Variants in USP34 observed in about 807,000 individuals in gnomAD.
The protein encoded by USP34 is ubiquitin carboxyl-terminal hydrolase 34.
A neutral mutation model predicts 460.3 loss-of-function variants in USP34; 70 were observed. The observed-to-expected ratio is 0.15, with a 90% CI of 0.13 to 0.19. The LOEUF is 0.19. Ranked by LOEUF, USP34 falls within the 10% of genes least tolerant of loss-of-function variation. The pLI, the probability that USP34 is intolerant of heterozygous loss-of-function variation, is 1.00. For synonymous variants in USP34, 1,647 were observed against 1,405.3 expected, an observed-to-expected ratio of 1.17 and a Z score of -3.85; for missense variants, 3,985 against 4,236.2, an observed-to-expected ratio of 0.94 and a Z score of 1.65.
In USP34 at chr2:61,311,861, T is replaced by C. The variant is rs751996041; in HGVS notation, c.3592A>G (p.Ser1198Gly). 1.2e-6 allele frequency: 2 copies of C among 1,613,974 alleles called. No individual in the cohort carries two copies. Among genetic ancestry groups the C allele is most frequent in the East Asian group, 4.5e-5 (2 of 44,870 alleles). The change falls in exon 26 of 80, where the codon AGT (serine) becomes GGT (glycine). Residue 1198 changes from serine to glycine, a missense_variant. This residue lies in a region of USP34 where 1,114 missense variants were observed against 1,122.5 expected (regional missense o/e 0.99). Transcript: ENST00000398571. ...TTGTCACTCAGTGCTTTCAAATGAC[T>C]ACTAATACCAGTGCCTTCAATTTGC... is the stretch of plus-strand genomic sequence containing the variant. ...QWQIEGTGIS[S>G]HLKALSDKQS...
intron 3 of USP34, among the ~76,000 whole-genome samples, chr2:61,396,942 T>A (rs576151293): frequency 1.3e-5 from 2 of 152,186 alleles, no homozygotes; most frequent in African/African-American, 4.8e-5. Flanking sequence ...TAAGGTTACA[T>A]CTTTAAAATG....
intron 33 of USP34, 45 bp downstream of exon 33, chr2:61,293,419 T>G (rs777794264): frequency 3.4e-6 from 5 of 1,456,358 alleles, no homozygotes; most frequent in Non-Finnish European, 4.7e-6. Flanking sequence ...GTATTTCAAA[T>G]GGGATAACTA....
chr2:61,278,259 C>T lies in USP34; in HGVS notation c.5339G>A (p.Gly1780Asp). ...TGTAAGCCCATCATCTTCTACATTACCATCCTGATGATCAAGGATCTCCCT... is the reference window on the plus strand; with the variant it reads ...TGTAAGCCCATCATCTTCTACATTATCATCCTGATGATCAAGGATCTCCCT... ...RSREILDHQD[G>D]NVEDDGLTGL... The change falls in exon 41 of 80, where the codon GGT becomes GAT. Residue 1780 changes from glycine to aspartate, a missense_variant. This residue lies in a region of USP34 where 1,114 missense variants were observed against 1,122.5 expected (regional missense o/e 0.99). Transcript: ENST00000398571. 1.2e-6 allele frequency: 2 copies of T among 1,613,696 alleles called. No homozygotes were observed. The highest frequency in any genetic ancestry group is 2.2e-5 in the South Asian group (2 of 91,020).
In USP34 at chr2:61,406,056, G is replaced by A; in HGVS notation, c.204C>T (p.Asn68=). The A allele has an allele frequency of 6.2e-7, 1 of 1,613,576 alleles. No individual in the cohort carries two copies. The highest frequency in any genetic ancestry group is 8.5e-7 in the Non-Finnish European group (1 of 1,179,922). The change falls in exon 3 of 80, where the codon AAC becomes AAT. Residue 68 remains asparagine, a synonymous_variant. Transcript: ENST00000398571. ...GCACTTGAACTTGGGCAATCACTAA[G>A]TTAATAAGTGCACACACTACTTGAT... ...IFNQVVCALI[N]LVIAQVQVLR...
intron 8 of USP34, among the ~76,000 whole-genome samples, chr2:61,376,786 C>G (rs1692811373): frequency 6.6e-6 from 1 of 152,218 alleles, no homozygotes; most frequent in East Asian, 1.9e-4. Flanking sequence ...TAGCTGGAAT[C>G]ACAGGCATGC....
chr2:61,240,085 T>C (rs115917316), intron 53 of USP34, among the ~76,000 whole-genome samples: 1,571 of 151,928 alleles, frequency 0.01, 30 homozygotes, highest in African/African-American at 0.036. Flanking sequence ...TAGTAAAAGC[T>C]GAATTGCCTA....
At chr2:61,348,517 A>G in intron 14 of USP34, 37 bp from the exon 15 acceptor site, 1 of 1,575,778 alleles carries the variant, frequency 6.3e-7, no homozygotes. Flanking sequence ...ATAAATATTT[A>G]AACCAGTAAG....
chr2:61,268,484 C>T (rs1169272388), intron 41 of USP34, among the ~76,000 whole-genome samples: 2 of 150,174 alleles, frequency 1.3e-5, no homozygotes, highest in African/African-American at 2.5e-5. Context: ...GCACCTCCCA[C>T]CTCCCTTTCT....
chr2:61,230,471 A>T (rs1687860874), intron 58 of USP34, among the ~76,000 whole-genome samples: 2 of 151,992 alleles, frequency 1.3e-5, no homozygotes, highest in Admixed American at 1.3e-4. Context: ...TTGCAGTGAG[A>T]CGTGATCACG....
chr2:61,434,530 A>G (rs933819474), intron 1 of USP34, among the ~76,000 whole-genome samples: 2 of 152,156 alleles, frequency 1.3e-5, no homozygotes, highest in Non-Finnish European at 2.9e-5. Flanking sequence ...CACCATATGC[A>G]TACATGTGTC....
At chr2:61,248,794 T>C in intron 48 of USP34, 111 bp from the exon 49 acceptor site, 2 of 1,027,932 alleles carry the variant, frequency 1.9e-6, no homozygotes, top group East Asian at 2.7e-5. Flanking sequence ...TTAAGAAGTA[T>C]AGTAGTTCCC....
At chr2:61,319,413 C>G (rs1690845485) in intron 21 of USP34, 86 bp from the exon 22 acceptor site, 1 of 926,900 alleles carries the variant, frequency 1.1e-6, no homozygotes, top group Non-Finnish European at 1.5e-6. Flanking sequence ...TACAGTAAGT[C>G]CTCACTTAAC....
chr2:61,303,961 G>A (rs1360507843), intron 27 of USP34, among the ~76,000 whole-genome samples: 3 of 152,040 alleles, frequency 2.0e-5, no homozygotes, highest in Non-Finnish European at 2.9e-5. Flanking sequence ...GCAATGGCAT[G>A]ATCTCGGCTC....
At chr2:61,352,896 G>A (rs1271761131) in intron 10 of USP34, among the ~76,000 whole-genome samples, 1 of 152,090 alleles carries the variant, frequency 6.6e-6, no homozygotes. Context: ...GGATATCAGG[G>A]AAGATGGGAG....
intron 1 of USP34, among the ~76,000 whole-genome samples, chr2:61,428,165 C>CA (rs376451824): frequency 0.035 from 2,339 of 66,126 alleles, 42 homozygotes; most frequent in African/African-American, 0.11. Context: ...AACTCCGTCA[C>CA]AAAAAAAAAA....
chr2:61,216,375 C>T (rs1001206046), intron 67 of USP34, among the ~76,000 whole-genome samples: 12 of 152,010 alleles, frequency 7.9e-5, no homozygotes, highest in Middle Eastern at 3.4e-3. Flanking sequence ...CCAAGGCGGG[C>T]GGATCACGAG....
chr2:61,440,031 C>G (rs765613109), intron 1 of USP34, among the ~76,000 whole-genome samples: 15 of 152,306 alleles, frequency 9.8e-5, no homozygotes, highest in Admixed American at 2.0e-4. Flanking sequence ...CTGCAAGGCC[C>G]TGGGCATCAG....
intron 57 of USP34, among the ~76,000 whole-genome samples, chr2:61,234,713 T>A (rs906665711): frequency 6.6e-6 from 1 of 152,160 alleles, no homozygotes; most frequent in Non-Finnish European, 1.5e-5. Context: ...TGATCTCAGC[T>A]CACTGCTTCT....
At chr2:61,454,158 A>G (rs1365193456) in intron 1 of USP34, among the ~76,000 whole-genome samples, 2 of 152,110 alleles carry the variant, frequency 1.3e-5, no homozygotes, top group African/African-American at 4.8e-5. Flanking sequence ...GTTTTTCGAG[A>G]AGGAGTCTCC....
Sources: gnomAD v4.1 joint callset for allele counts (sites outside exome capture counted in the v4.1 genomes callset) on GRCh38, gnomAD v4.1.1 for gene constraint, gnomAD v4.1.1 regional missense constraint, MANE v1.5 for transcripts, NCBI Gene and HGNC (gene_info 2026-07-23, HGNC 2026-07-21) for gene names.